Variants in COG5 observed in about 807,000 individuals in gnomAD.
COG5 encodes the protein conserved oligomeric Golgi complex subunit 5.
A neutral mutation model predicts 110.4 loss-of-function variants in COG5; 86 were observed. The observed-to-expected ratio is 0.78, with a 90% CI of 0.65 to 0.93. The LOEUF (loss-of-function observed/expected upper bound fraction) is 0.93, where lower values mean the gene tolerates loss of function less well. Ranked by LOEUF, COG5 falls within the 40% of genes least tolerant of loss-of-function variation. The probability of loss-of-function intolerance (pLI) is 0.00; values close to 1 mark genes in which losing one functional copy is unlikely to be tolerated. For synonymous variants in COG5, 360 were observed against 334.6 expected, an observed-to-expected ratio of 1.08 and a Z score of -0.83; for missense variants, 1,077 against 987.0, an observed-to-expected ratio of 1.09 and a Z score of -1.22.
At chr7:107,341,442 C>G (rs1026917929) in intron 10 of COG5, among the ~76,000 whole-genome samples, 3 of 152,060 alleles carry the variant, frequency 2.0e-5, no homozygotes, top group African/African-American at 7.2e-5. Flanking sequence ...TTTAAATGAT[C>G]ATACTGCCCA....
intron 4 of COG5, 48 bp downstream of exon 4, chr7:107,548,230 G>A (rs772949251): frequency 6.2e-7 from 1 of 1,602,388 alleles, no homozygotes; most frequent in Non-Finnish European, 8.6e-7. Flanking sequence ...GAATATCAAT[G>A]GATAAAAACA....
chr7:107,447,460 T>C (rs1305014766), intron 6 of COG5, among the ~76,000 whole-genome samples: 1 of 152,224 alleles, frequency 6.6e-6, no homozygotes, highest in Non-Finnish European at 1.5e-5. Flanking sequence ...GTTTGTTGTT[T>C]TAAACTTTCA....
chr7:107,263,016 A>T (rs1190018271), intron 14 of COG5, among the ~76,000 whole-genome samples: 1 of 152,168 alleles, frequency 6.6e-6, no homozygotes, highest in Non-Finnish European at 1.5e-5. Context: ...TCCTTCCCCC[A>T]ACCTCTAGTC....
intron 6 of COG5, among the ~76,000 whole-genome samples, chr7:107,501,368 A>G (rs1798619372): frequency 6.6e-6 from 1 of 152,130 alleles, no homozygotes; most frequent in Admixed American, 6.6e-5. Context: ...AGCTAAATAA[A>G]TTGTTCTCAA....
At chr7:107,462,467 G>A (rs913986292) in intron 6 of COG5, among the ~76,000 whole-genome samples, 2 of 152,150 alleles carry the variant, frequency 1.3e-5, no homozygotes, top group African/African-American at 2.4e-5. Flanking sequence ...AAAGCATGAA[G>A]TCCAGGCTGG....
chr7:107,387,157 G>A (rs1030881895), intron 7 of COG5, among the ~76,000 whole-genome samples: 13 of 152,244 alleles, frequency 8.5e-5, no homozygotes, highest in Middle Eastern at 3.4e-3. Context: ...AAGCATTAGA[G>A]GCCAGAGCCC....
chr7:107,353,631 A>T (rs1812372135), intron 10 of COG5, among the ~76,000 whole-genome samples: 1 of 152,186 alleles, frequency 6.6e-6, no homozygotes, highest in East Asian at 1.9e-4. Context: ...ATAGCTTTCA[A>T]AAGGCTCTAC....
chr7:107,485,955 C>A (rs1345161416), intron 6 of COG5, among the ~76,000 whole-genome samples: 1 of 152,080 alleles, frequency 6.6e-6, no homozygotes, highest in African/African-American at 2.4e-5. Flanking sequence ...CTGATGGCAT[C>A]AGGGCAAGGA....
chr7:107,210,315 G>A, intron 21 of COG5: 28 of 1,427,384 alleles, frequency 2.0e-5, no homozygotes, highest in East Asian at 7.6e-5. Flanking sequence ...GGATATGAAG[G>A]TTTGGAATGA....
intron 16 of COG5, among the ~76,000 whole-genome samples, chr7:107,254,887 A>G (rs1802767652): frequency 1.3e-5 from 2 of 152,180 alleles, no homozygotes; most frequent in Non-Finnish European, 2.9e-5. Flanking sequence ...GGTCAAAAAA[A>G]TCATTTCAGT....
Position 107,210,567 on chromosome 7 carries a change from C to A in COG5, c.2334G>T (p.Leu778=). ...TGTCCTTTTCAGATGGATGGTCATC[C>A]AGCCACTGAGAGAAGCGTGTGTGGG... ...EWSHTRFSQW[L]DDHPSEKDRL... Residue 778 remains leucine (L), a synonymous_variant, in exon 21 of 22, where the codon CTG becomes CTT. Coordinates refer to ENST00000297135, the MANE Select transcript of COG5 (RefSeq NM_006348.5). 6.2e-7 allele frequency: 1 copy of A among 1,605,146 alleles called. No homozygotes were observed. Among genetic ancestry groups the A allele is most frequent in the South Asian group, 1.1e-5 (1 of 88,850 alleles).
chr7:107,534,938 A>G (rs1801471699), intron 5 of COG5, among the ~76,000 whole-genome samples: 1 of 151,652 alleles, frequency 6.6e-6, no homozygotes, highest in Non-Finnish European at 1.5e-5. Context: ...CCCTCAGGAA[A>G]TGTAAAAGAA....
At chr7:107,326,111 G>T (rs1452234224) in intron 10 of COG5, among the ~76,000 whole-genome samples, 2 of 152,114 alleles carry the variant, frequency 1.3e-5, no homozygotes, top group Non-Finnish European at 2.9e-5. Flanking sequence ...AACACCATCT[G>T]ATGATAAAAA....
chr7:107,381,812 T>C (rs1011591817), intron 7 of COG5, among the ~76,000 whole-genome samples: 7 of 152,248 alleles, frequency 4.6e-5, no homozygotes, highest in Admixed American at 4.6e-4. Flanking sequence ...GACCTTTGTT[T>C]TGTTTTTCAG....
Position 107,201,777 on chromosome 7 carries a change from A to C in COG5, c.*1739T>G. On this transcript the variant is annotated 3_prime_UTR_variant, in exon 22 of 22. Coordinates refer to ENST00000297135, the MANE Select transcript of COG5 (RefSeq NM_006348.5). ...ACATGTTTTATTTTAAATTGTACGA[A>C]AGGGGAATTTAAAAAATATGTAACT... 4.9e-6 allele frequency: 1 copy of C among 204,034 alleles called. No homozygotes were observed. The highest frequency in any genetic ancestry group is 1.1e-4 in the East Asian group (1 of 8,916). The allele number at this position is 204,034 out of a possible 1,614,324, so 12.6% of individuals were successfully genotyped here.
intron 7 of COG5, among the ~76,000 whole-genome samples, chr7:107,405,821 G>C (rs1237403042): frequency 6.6e-6 from 1 of 152,118 alleles, no homozygotes; most frequent in East Asian, 1.9e-4. Flanking sequence ...ACCCATGAAT[G>C]GGATTCATGC....
intron 7 of COG5, among the ~76,000 whole-genome samples, chr7:107,408,663 C>G (rs1477836883): frequency 6.6e-6 from 1 of 152,162 alleles, no homozygotes; most frequent in Non-Finnish European, 1.5e-5. Flanking sequence ...GTTTGGATTT[C>G]TTCTATCAGC....
intron 6 of COG5, among the ~76,000 whole-genome samples, chr7:107,438,179 A>G (rs759782159): frequency 8.5e-5 from 13 of 152,180 alleles, no homozygotes; most frequent in Non-Finnish European, 1.6e-4. Context: ...AATATTTTTG[A>G]GCTAAAGGCA....
chr7:107,500,451 A>G (rs1053855327), intron 6 of COG5, among the ~76,000 whole-genome samples: 12 of 152,188 alleles, frequency 7.9e-5, no homozygotes, highest in Admixed American at 6.6e-4. Context: ...TCTGAGGATC[A>G]TGCCTTCTTC....
Sources: gnomAD v4.1 joint callset for allele counts (sites outside exome capture counted in the v4.1 genomes callset) on GRCh38, gnomAD v4.1.1 for gene constraint, MANE v1.5 for transcripts, NCBI Gene and HGNC (gene_info 2026-07-23, HGNC 2026-07-21) for gene names.